The following HERC2 variants were observed in gnomAD, a reference collection of about 807,000 sequenced individuals.
HERC2 encodes the protein HECT and RLD domain containing E3 ubiquitin protein ligase 2.
Under a neutral mutation model 537.7 loss-of-function variants are expected in HERC2, and 102 were observed. That is an observed-to-expected ratio of 0.19 (90% confidence interval 0.16 to 0.22). The LOEUF is 0.22. HERC2 is among the 10% of genes least tolerant of loss of function. The pLI is 1.00. For synonymous variants in HERC2, 2,224 were observed against 2,466.2 expected (o/e 0.90, Z 2.91); for missense variants, 4,236 against 6,198.2 (o/e 0.68, Z 10.63).
chr15:28,321,639 G>A (rs1281693729), intron 1 of HERC2, among the ~76,000 whole-genome samples, 175 bp from the exon 2 acceptor site: 6 of 122,714 alleles, frequency 4.9e-5, no homozygotes, highest in Admixed American at 3.9e-4. Flanking sequence ...AGAGGGAGGT[G>A]GGGAAGGGAA....
chr15:28,250,539 C>T (rs1417047840), intron 20 of HERC2, among the ~76,000 whole-genome samples: 5 of 152,190 alleles, frequency 3.3e-5, no homozygotes, highest in Non-Finnish European at 5.9e-5. Flanking sequence ...AACTTCACAG[C>T]GCTCTATTTT....
intron 10 of HERC2, among the ~76,000 whole-genome samples, chr15:28,270,219 A>ATAGT (rs1368836837): frequency 6.6e-6 from 1 of 151,746 alleles, no homozygotes; most frequent in Non-Finnish European, 1.5e-5. Context: ...AGATAGATAG[A>ATAGT]TAGAACCCAC....
chr15:28,257,891 A>G (rs2075309165), intron 16 of HERC2, among the ~76,000 whole-genome samples: 1 of 151,400 alleles, frequency 6.6e-6, no homozygotes, highest in South Asian at 2.1e-4. Flanking sequence ...TCATGGTGTT[A>G]GTCAGGATGG....
chr15:28,215,669 C>G lies in HERC2; in HGVS notation c.6162G>C (p.Lys2054Asn). The G allele has an allele frequency of 6.2e-7, 1 of 1,611,936 alleles. No homozygotes were observed. The highest frequency in any genetic ancestry group is 1.1e-5 in the South Asian group (1 of 90,978). Reference sequence around the variant, plus strand: ...TGAAGGGTGCGTGCCCTTCCACGACCTTCATGAGCAGCGTGATCCACTGCG... The same window carrying G: ...TGAAGGGTGCGTGCCCTTCCACGACGTTCATGAGCAGCGTGATCCACTGCG... ...SSPQWITLLM[K>N]VVEGHAPFTA... Residue 2054 changes from lysine (K) to asparagine (N), a missense_variant, in exon 39 of 93, where the codon AAG becomes AAC. By Grantham distance (94) the Lys-to-Asn change is moderately conservative (BLOSUM62 0). Transcript: ENST00000261609.
intron 4 of HERC2, among the ~76,000 whole-genome samples, chr15:28,283,535 C>A (rs1463718352): frequency 6.6e-6 from 1 of 152,130 alleles, no homozygotes; most frequent in Non-Finnish European, 1.5e-5. Flanking sequence ...AAGACCCACA[C>A]CAAAAGAAAG....
intron 20 of HERC2, 45 bp from the exon 21 acceptor site, chr15:28,248,781 T>C: frequency 2.0e-6 from 3 of 1,482,868 alleles, no homozygotes; most frequent in African/African-American, 1.4e-5. Context: ...AAGATATTTC[T>C]ACTAAAAAGA....
At chr15:28,165,208 G>A (rs987077955) in intron 68 of HERC2, among the ~76,000 whole-genome samples, 2 of 152,192 alleles carry the variant, frequency 1.3e-5, no homozygotes, top group South Asian at 2.1e-4. Flanking sequence ...CACGTAGGGT[G>A]ACCATGGAGG....
intron 38 of HERC2, among the ~76,000 whole-genome samples, chr15:28,216,342 C>G (rs1249742241): frequency 6.6e-6 from 1 of 151,002 alleles, no homozygotes; most frequent in Non-Finnish European, 1.5e-5. Context: ...TTAGTAGAGA[C>G]AGTTTCCAAT....
At chr15:28,201,402 A>G (rs1321214491) in intron 48 of HERC2, 54 bp downstream of exon 48, 50 of 1,177,364 alleles carry the variant, frequency 4.2e-5, no homozygotes, top group Non-Finnish European at 5.5e-5. Context: ...GACATACTCA[A>G]ATATTTGCTG....
intron 20 of HERC2, among the ~76,000 whole-genome samples, chr15:28,252,112 C>T (rs1188933266): frequency 6.6e-6 from 1 of 152,122 alleles, no homozygotes. Flanking sequence ...GTTTTTAAAC[C>T]TGCATTTTAA....
At chr15:28,314,121 C>T (rs1001578975) in intron 2 of HERC2, among the ~76,000 whole-genome samples, 29 of 152,248 alleles carry the variant, frequency 1.9e-4, no homozygotes, top group African/African-American at 6.5e-4. Flanking sequence ...TATTGTTACC[C>T]AGAGCCTCGA....
chr15:28,290,920 A>C (rs1359278277), intron 4 of HERC2, among the ~76,000 whole-genome samples: 1 of 152,222 alleles, frequency 6.6e-6, no homozygotes, highest in Non-Finnish European at 1.5e-5. Context: ...GAAAGACAGA[A>C]GAGCAAATGG....
chr15:28,188,681 A>C (rs1197363978), intron 55 of HERC2, among the ~76,000 whole-genome samples: 1 of 152,194 alleles, frequency 6.6e-6, no homozygotes, highest in Non-Finnish European at 1.5e-5. Flanking sequence ...GAGGCAGGGA[A>C]GTAAGGTGGG....
At chr15:28,272,598 A>G (rs2141000176) in intron 8 of HERC2, among the ~76,000 whole-genome samples, 1 of 152,308 alleles carries the variant, frequency 6.6e-6, no homozygotes, top group South Asian at 2.1e-4. Flanking sequence ...AGACCAGTTA[A>G]GAAGCTCAAA....
chr15:28,247,318 C>T (rs1903803473), intron 21 of HERC2, among the ~76,000 whole-genome samples: 1 of 150,892 alleles, frequency 6.6e-6, no homozygotes, highest in African/African-American at 2.4e-5. Context: ...AATTTTATAT[C>T]TAGTACACAA....
intron 36 of HERC2, 104 bp from the exon 37 acceptor site, chr15:28,220,748 G>C: frequency 1.1e-6 from 1 of 899,526 alleles, no homozygotes; most frequent in Non-Finnish European, 1.8e-6. Flanking sequence ...GCCCTGCCCT[G>C]GTCCTTCCAT....
chr15:28,159,852 T>A (rs967362898), intron 69 of HERC2, among the ~76,000 whole-genome samples: 55 of 152,334 alleles, frequency 3.6e-4, no homozygotes, highest in Admixed American at 1.0e-3. Context: ...TTTTTCTCCA[T>A]CTTTGTGGTT....
intron 83 of HERC2, among the ~76,000 whole-genome samples, chr15:28,127,378 G>T (rs1264020274): frequency 6.6e-6 from 1 of 152,186 alleles, no homozygotes; most frequent in Non-Finnish European, 1.5e-5. Context: ...ATGCACGGGG[G>T]GAGTGGCCAA....
At position 28,140,980 on chromosome 15, in the gene HERC2, G is replaced by A. The variant is rs368801535; in HGVS notation, c.12015+452C>T. On this transcript the variant is annotated intron_variant, in intron 78 of 92. Transcript: ENST00000261609. ...TGGCCGGGCGTGGTGGCTCATGCCTGTAATCCCAGCACTTTGGAAGGCCGA... is the reference window on the plus strand; with the variant it reads ...TGGCCGGGCGTGGTGGCTCATGCCTATAATCCCAGCACTTTGGAAGGCCGA... Among the ~76,000 whole-genome samples the A allele has an allele frequency of 1.2e-4, 18 of 151,606 alleles. No homozygotes were observed. The East Asian group carries it at 3.4e-3, about 28-fold the overall frequency.
Sources: gnomAD v4.1 joint callset for allele counts (sites outside exome capture counted in the v4.1 genomes callset) on GRCh38, gnomAD v4.1.1 for gene constraint, MANE v1.5 for transcripts, NCBI Gene and HGNC (gene_info 2026-07-23, HGNC 2026-07-21) for gene names.